ERICH3: variants seen among roughly 807,000 people sequenced by gnomAD.
The protein encoded by ERICH3 is glutamate rich 3, also known as glutamate-rich protein 3.
Under a neutral mutation model 131.1 loss-of-function variants are expected in ERICH3, and 126 were observed. The observed-to-expected ratio is 0.96, with a 90% CI of 0.83 to 1.11. The LOEUF is 1.11. ERICH3 is among the 50% of genes most tolerant of loss of function. ERICH3 has a pLI of 0.00. For missense variants in ERICH3, 2,050 were observed against 1,810.7 expected (o/e 1.13, Z -2.40); for synonymous variants, 695 against 644.6 (o/e 1.08, Z -1.18).
At chr1:74,655,161 A>T (rs960585483) in intron 1 of ERICH3, among the ~76,000 whole-genome samples, 11 of 152,302 alleles carry the variant, frequency 7.2e-5, no homozygotes, top group Middle Eastern at 6.8e-3. Flanking sequence ...TCAAAAGCAT[A>T]CTTGTTTGAA....
intron 1 of ERICH3, among the ~76,000 whole-genome samples, chr1:74,660,968 A>C (rs1646636363): frequency 6.6e-6 from 1 of 152,054 alleles, no homozygotes; most frequent in South Asian, 2.1e-4. Flanking sequence ...ATGATCCCAC[A>C]GAGCGAGGTA....
chr1:74,645,330 G>A (rs1189470469), intron 3 of ERICH3, among the ~76,000 whole-genome samples: 1 of 151,960 alleles, frequency 6.6e-6, no homozygotes, highest in Non-Finnish European at 1.5e-5. Context: ...TTAGCAAGGA[G>A]CATCAGCATA....
intron 12 of ERICH3, chr1:74,579,499 G>A (rs984794000): frequency 2.3e-5 from 23 of 985,292 alleles, no homozygotes; most frequent in East Asian, 1.1e-4. Context: ...ATTAGCCTTC[G>A]GAAGTAGATG....
intron 10 of ERICH3, among the ~76,000 whole-genome samples, chr1:74,602,056 T>C (rs1388745071): frequency 6.6e-6 from 1 of 151,848 alleles, no homozygotes; most frequent in South Asian, 2.1e-4. Context: ...TGTACTCCTT[T>C]GACAGCAACA....
chr1:74,612,859 A>G, intron 8 of ERICH3, 50 bp from the exon 9 acceptor site: 1 of 1,435,830 alleles, frequency 7.0e-7, no homozygotes, highest in Non-Finnish European at 9.6e-7. Flanking sequence ...CTTCGGACTA[A>G]CATCTGTTAA....
chr1:74,660,944 GA>G (rs1646636218), intron 1 of ERICH3, among the ~76,000 whole-genome samples: 1 of 151,538 alleles, frequency 6.6e-6, no homozygotes, highest in Non-Finnish European at 1.5e-5. Flanking sequence ...TGTACGATGG[GA>G]AAATGTTCAG....
In ERICH3 at chr1:74,636,343, C is replaced by G; in HGVS notation, c.540G>C (p.Lys180Asn). The G allele has an allele frequency of 6.2e-7, 1 of 1,612,928 alleles. No homozygotes were observed. The highest frequency in any genetic ancestry group is 8.5e-7 in the Non-Finnish European group (1 of 1,179,246). The change falls in exon 6 of 15, where the codon AAG (lysine) becomes AAC (asparagine). Residue 180 changes from lysine (K) to asparagine (N), a missense_variant. Lys to Asn is a moderately conservative substitution (Grantham distance 94). Coordinates refer to ENST00000326665, the MANE Select transcript of ERICH3 (RefSeq NM_001002912.5). ...TTTTTGATCTGGACCTTGAAGTTAC[C>G]TTTGGAACAGTTTCTACTGCAGGAT... ...PSNPAVETVP[K>N]VTSRSRSKTS...
chr1:74,658,330 C>T (rs1646605013), intron 1 of ERICH3, among the ~76,000 whole-genome samples: 1 of 152,136 alleles, frequency 6.6e-6, no homozygotes, highest in Admixed American at 6.5e-5. Flanking sequence ...TGAAATGCAG[C>T]TTTGGGTACA....
intron 1 of ERICH3, among the ~76,000 whole-genome samples, chr1:74,669,711 AT>A (rs1317064741): frequency 1.3e-5 from 2 of 152,206 alleles, no homozygotes; most frequent in Non-Finnish European, 2.9e-5. Context: ...TTTAAAAACC[AT>A]TTTTATTTAC....
intron 1 of ERICH3, among the ~76,000 whole-genome samples, chr1:74,670,340 G>C (rs745828832): frequency 6.6e-6 from 1 of 152,036 alleles, no homozygotes; most frequent in Non-Finnish European, 1.5e-5. Context: ...AGGCAACATA[G>C]TGTGATGGTG....
intron 1 of ERICH3, among the ~76,000 whole-genome samples, chr1:74,666,088 C>G (rs1646689477): frequency 6.6e-6 from 1 of 152,076 alleles, no homozygotes; most frequent in Non-Finnish European, 1.5e-5. Flanking sequence ...TTCTACATCC[C>G]AGAACATTCA....
At chr1:74,622,326 A>G (rs919782477) in intron 7 of ERICH3, 1 of 152,234 alleles carries the variant, frequency 6.6e-6, no homozygotes, top group African/African-American at 2.4e-5. Context: ...GAGATAATCA[A>G]GAGACATATT....
At chr1:74,626,562 C>A (rs1649422444) in intron 7 of ERICH3, among the ~76,000 whole-genome samples, 1 of 152,112 alleles carries the variant, frequency 6.6e-6, no homozygotes, top group South Asian at 2.1e-4. Context: ...ATTTGGAAGC[C>A]TGTACTTTCC....
intron 8 of ERICH3, among the ~76,000 whole-genome samples, 198 bp from the exon 9 acceptor site, chr1:74,613,007 T>A (rs72984974): frequency 0.089 from 13,581 of 152,056 alleles, 702 homozygotes; most frequent in East Asian, 0.21. Flanking sequence ...AAACAATAAC[T>A]GATGAGCTAA....
intron 7 of ERICH3, chr1:74,621,356 T>G (rs1649213989): frequency 6.6e-6 from 1 of 152,492 alleles, no homozygotes; most frequent in African/African-American, 2.4e-5. Context: ...ACTTAGAGAT[T>G]TAGCAATAGT....
chr1:74,643,326 A>G (rs1646452573), intron 3 of ERICH3, among the ~76,000 whole-genome samples: 3 of 152,158 alleles, frequency 2.0e-5, no homozygotes, highest in Admixed American at 2.0e-4. Context: ...CATAACCTTT[A>G]ACCCTTAAAT....
At chr1:74,623,130 T>A (rs1467235896) in intron 7 of ERICH3, 1 of 152,212 alleles carries the variant, frequency 6.6e-6, no homozygotes, top group Non-Finnish European at 1.5e-5. Flanking sequence ...CAAGTAAGTA[T>A]CAAAACCTTC....
chr1:74,626,536 C>T lies in ERICH3; in HGVS notation c.819+5177G>A, dbSNP rs190647193. 3.1e-3 allele frequency among the ~76,000 whole-genome samples: 473 copies of T among 152,122 alleles called. 1 individual carries two copies. Among genetic ancestry groups the T allele is most frequent in the Non-Finnish European group, 4.3e-3 (293 of 68,002 alleles). ...GGTTTCTAAAATAGATAAACATAAC[C>T]ATTAAGTAGGTTCTTATTTGGAAGC... is the stretch of plus-strand genomic sequence containing the variant. On this transcript the variant is annotated intron_variant, in intron 7 of 14. Transcript: ENST00000326665.
intron 3 of ERICH3, among the ~76,000 whole-genome samples, chr1:74,643,854 T>A (rs1352789493): frequency 6.6e-6 from 1 of 152,094 alleles, no homozygotes; most frequent in African/African-American, 2.4e-5. Context: ...CACAAAACCT[T>A]GTTGTCCCTG....
Sources: gnomAD v4.1 joint callset for allele counts (sites outside exome capture counted in the v4.1 genomes callset) on GRCh38, gnomAD v4.1.1 for gene constraint, MANE v1.5 for transcripts, NCBI Gene and HGNC (gene_info 2026-07-23, HGNC 2026-07-21) for gene names.